ZNF474: variants seen among roughly 807,000 people sequenced by gnomAD.
The protein encoded by ZNF474 is zinc finger protein 474.
For missense variants in ZNF474, 511 were observed against 433.8 expected (o/e 1.18, Z -1.58); for synonymous variants, 192 against 162.2 (o/e 1.18, Z -1.39).
At chr5:122,131,231 G>T (rs1755567762) in intron 1 of ZNF474, among the ~76,000 whole-genome samples, 2 of 152,090 alleles carry the variant, frequency 1.3e-5, no homozygotes, top group African/African-American at 4.8e-5. Flanking sequence ...CAGCCATTAT[G>T]GATTATGGAA....
chr5:122,136,752 A>G (rs1467507881), intron 1 of ZNF474, among the ~76,000 whole-genome samples: 1 of 152,228 alleles, frequency 6.6e-6, no homozygotes, highest in Non-Finnish European at 1.5e-5. Flanking sequence ...AGAAAATATT[A>G]CAAAGCTGTC....
chr5:122,145,161 T>C (rs993323415), intron 1 of ZNF474, among the ~76,000 whole-genome samples: 3 of 152,300 alleles, frequency 2.0e-5, no homozygotes, highest in African/African-American at 4.8e-5. Context: ...TTATTCATAG[T>C]GAAGGGGAGA....
intron 1 of ZNF474, among the ~76,000 whole-genome samples, chr5:122,149,931 G>C: frequency 6.6e-6 from 1 of 151,726 alleles, no homozygotes; most frequent in Non-Finnish European, 1.5e-5. Flanking sequence ...GAGAGAGAGA[G>C]AGAGAGAGAG....
intron 1 of ZNF474, among the ~76,000 whole-genome samples, chr5:122,140,111 AC>A (rs1755799453): frequency 6.6e-6 from 1 of 152,084 alleles, no homozygotes; most frequent in South Asian, 2.1e-4. Context: ...GGAATTGGAA[AC>A]CCTAGGTATT....
rs1459105567 is a variant in ZNF474 at position 122,152,817 on chromosome 5, A to G, written c.827A>G (p.Gln276Arg). Residue 276 changes from glutamine to arginine, a missense_variant, in exon 2 of 2, where the codon CAA becomes CGA. Transcript: ENST00000296600. Reference sequence around the variant, plus strand: ...CCCCTTCCGAATGCACAGTCCAGCCAAGCGGGACCAAATCAAGCTCAGCTT... The same window carrying G: ...CCCCTTCCGAATGCACAGTCCAGCCGAGCGGGACCAAATCAAGCTCAGCTT... Reference protein sequence around the residue: ...PQPLPNAQSSQAGPNQAQLVF... With the variant: ...PQPLPNAQSSRAGPNQAQLVF... 4.3e-6 allele frequency: 7 copies of G among 1,614,170 alleles called. No homozygotes were observed. The highest frequency in any genetic ancestry group is 5.9e-6 in the Non-Finnish European group (7 of 1,180,020).
intron 1 of ZNF474, among the ~76,000 whole-genome samples, chr5:122,131,622 T>G (rs974225153): frequency 4.6e-5 from 7 of 152,040 alleles, no homozygotes; most frequent in Admixed American, 6.6e-5. Flanking sequence ...TGCACAAGTC[T>G]TATTAGATAT....
At chr5:122,140,978 T>A (rs1269178210) in intron 1 of ZNF474, among the ~76,000 whole-genome samples, 1 of 152,130 alleles carries the variant, frequency 6.6e-6, no homozygotes, top group African/African-American at 2.4e-5. Flanking sequence ...GGACATTTAA[T>A]GGGGTTACAC....
intron 1 of ZNF474, among the ~76,000 whole-genome samples, chr5:122,130,690 T>C (rs904926971): frequency 7.2e-5 from 11 of 152,178 alleles, no homozygotes; most frequent in Non-Finnish European, 1.2e-4. Context: ...TGTCTAACTT[T>C]TTTCCAGCTT....
intron 1 of ZNF474, among the ~76,000 whole-genome samples, chr5:122,150,343 T>A (rs1027341882): frequency 6.6e-6 from 1 of 152,166 alleles, no homozygotes. Flanking sequence ...AAGAATAACT[T>A]CTTTCTCTGT....
At chr5:122,139,095 G>C (rs1012720316) in intron 1 of ZNF474, among the ~76,000 whole-genome samples, 17 of 152,226 alleles carry the variant, frequency 1.1e-4, no homozygotes, top group African/African-American at 3.9e-4. Context: ...TGCTTTATCT[G>C]TTCAGTTCCA....
At chr5:122,141,009 G>A (rs1755824957) in intron 1 of ZNF474, among the ~76,000 whole-genome samples, 1 of 152,096 alleles carries the variant, frequency 6.6e-6, no homozygotes, top group African/African-American at 2.4e-5. Flanking sequence ...TGGCACAGCA[G>A]GATGGGGGAT....
chr5:122,141,410 G>T (rs563576274), intron 1 of ZNF474, among the ~76,000 whole-genome samples: 1 of 148,218 alleles, frequency 6.7e-6, no homozygotes, highest in African/African-American at 2.5e-5. Flanking sequence ...CCAGGTTTAA[G>T]TGATTCTTCT....
intron 1 of ZNF474, among the ~76,000 whole-genome samples, chr5:122,135,964 A>G (rs1255706187): frequency 6.6e-6 from 1 of 152,098 alleles, no homozygotes; most frequent in Non-Finnish European, 1.5e-5. Context: ...TGAGATAGAG[A>G]GTAAAATGAT....
intron 1 of ZNF474, among the ~76,000 whole-genome samples, chr5:122,130,160 C>CT (rs910860349): frequency 1.9e-4 from 28 of 150,940 alleles, no homozygotes; most frequent in African/African-American, 6.3e-4. Flanking sequence ...GTTGTCTTGG[C>CT]TTTTTTTTTA....
At chr5:122,131,394 A>G (rs752207113) in intron 1 of ZNF474, among the ~76,000 whole-genome samples, 1 of 152,154 alleles carries the variant, frequency 6.6e-6, no homozygotes, top group Non-Finnish European at 1.5e-5. Flanking sequence ...ACAATGGTCC[A>G]TATGTGGTAA....
intron 1 of ZNF474, among the ~76,000 whole-genome samples, chr5:122,139,567 G>T (rs1255570350): frequency 6.6e-6 from 1 of 152,020 alleles, no homozygotes; most frequent in African/African-American, 2.4e-5. Context: ...ATGTCTTCAG[G>T]TAGTTCAGCC....
At position 122,152,340 on chromosome 5, in the gene ZNF474, T is replaced by G; in HGVS notation, c.350T>G (p.Leu117Trp). 1 of 1,614,208 alleles carries G rather than the reference T, an allele frequency of 6.2e-7. No homozygotes were observed. The highest frequency in any genetic ancestry group is 1.3e-5 in the African/African-American group (1 of 75,050). ...QSIAIHEPQC[L>W]QKWHIENSKL... ...ATTGCCATTCATGAACCCCAGTGCT[T>G]GCAGAAGTGGCATATTGAAAACAGC... The change falls in exon 2 of 2, where the codon TTG (leucine) becomes TGG (tryptophan). Residue 117 changes from leucine to tryptophan, a missense_variant. Transcript: ENST00000296600.
chr5:122,152,304 G>T lies in ZNF474; in HGVS notation c.314G>T (p.Gly105Val), dbSNP rs533290881. Residue 105 changes from glycine (G) to valine (V), a missense_variant, in exon 2 of 2, where the codon GGG becomes GTG. Physicochemically the swap from Gly to Val is moderately radical, Grantham distance 109. Coordinates refer to ENST00000296600, the MANE Select transcript of ZNF474 (RefSeq NM_207317.3). Reference sequence around the variant, plus strand: ...TGCTATATCTGTGGCCGAGAATTTGGGTCCCAGTCAATTGCCATTCATGAA... The same window carrying T: ...TGCTATATCTGTGGCCGAGAATTTGTGTCCCAGTCAATTGCCATTCATGAA... ...RVCYICGREF[G>V]SQSIAIHEPQ... 11 of 1,614,160 alleles carry T rather than the reference G, an allele frequency of 6.8e-6. No individual in the cohort carries two copies. The South Asian group carries it at 7.7e-5, about 11-fold the overall frequency.
chr5:122,150,784 G>C (rs1756148261), intron 1 of ZNF474, among the ~76,000 whole-genome samples: 1 of 152,036 alleles, frequency 6.6e-6, no homozygotes, highest in Non-Finnish European at 1.5e-5. Flanking sequence ...GGGATCCTTG[G>C]GGAATCCAGG....
Sources: gnomAD v4.1 joint callset for allele counts (sites outside exome capture counted in the v4.1 genomes callset) on GRCh38, gnomAD v4.1.1 for gene constraint, MANE v1.5 for transcripts, NCBI Gene and HGNC (gene_info 2026-07-23, HGNC 2026-07-21) for gene names.